ARMC3: variants seen among roughly 807,000 people sequenced by gnomAD.
ARMC3 encodes armadillo repeat containing 3, also known as armadillo repeat-containing protein 3.
In ARMC3, 74 loss-of-function variants were observed where a neutral mutation model predicts 90.3. The ratio of observed to expected loss-of-function variants is 0.82; its 90% CI spans 0.68 to 0.99. The LOEUF is 0.99. ARMC3 is among the 50% of genes least tolerant of loss of function. The pLI is 0.00. For synonymous variants in ARMC3, 334 were observed against 361.8 expected, an observed-to-expected ratio of 0.92 and a Z score of 0.87; for missense variants, 958 against 1,042.8, an observed-to-expected ratio of 0.92 and a Z score of 1.12.
chr10:22,953,090 T>C (rs532376441), intron 3 of ARMC3, among the ~76,000 whole-genome samples: 5 of 152,278 alleles, frequency 3.3e-5, no homozygotes, highest in African/African-American at 4.8e-5. Flanking sequence ...AAGGCCCTTA[T>C]TGGTGAAAAA....
chr10:23,014,327 C>A, intron 16 of ARMC3: 1 of 1,375,752 alleles, frequency 7.3e-7, no homozygotes, highest in Non-Finnish European at 9.4e-7. Flanking sequence ...ATGTGCGTCC[C>A]TTCTCTCTTC....
At chr10:22,969,388 A>G (rs1267051757) in intron 8 of ARMC3, among the ~76,000 whole-genome samples, 2 of 152,224 alleles carry the variant, frequency 1.3e-5, no homozygotes. Flanking sequence ...AGAAATGATG[A>G]CAGCATTGAC....
chr10:22,977,533 C>A (rs1275203877), intron 8 of ARMC3, among the ~76,000 whole-genome samples: 1 of 152,208 alleles, frequency 6.6e-6, no homozygotes, highest in East Asian at 1.9e-4. Flanking sequence ...TCACCATGGT[C>A]TTGCAGGTTT....
rs535085393 is a variant in ARMC3, at chr10:22,985,046, A to AT, written c.1175+3374dup. Among the ~76,000 whole-genome samples the AT allele has an allele frequency of 7.8e-3, 655 of 83,568 alleles. 7 individuals are homozygous for AT. Among genetic ancestry groups the AT allele is most frequent in the South Asian group, 0.012 (30 of 2,442 alleles). The allele number at this position is 83,568 out of a possible 152,430, so 54.8% of individuals were successfully genotyped here. The stretch of plus-strand genomic sequence containing the variant: ...CACCATCCCACCCAGTTAATTTTTC[A>AT]TTTTTTTTTTTTTTTTTTTTTTTTT... On this transcript the variant is annotated intron_variant, in intron 10 of 18. Transcript: ENST00000298032.
Position 22,990,209 on chromosome 10 carries a change from G to A in ARMC3, c.1176-7939G>A, listed in dbSNP as rs113633871. Among the ~76,000 whole-genome samples the A allele has an allele frequency of 2.2e-3, 341 of 152,032 alleles. 1 individual carries two copies. The highest frequency in any genetic ancestry group is 3.7e-3 in the Non-Finnish European group (251 of 68,002). Reference sequence around the variant, plus strand: ...TTGAAGCATACTTAAACCTATATAAGGTTATTTTTACCAACCCTTGACTTT... The same window carrying A: ...TTGAAGCATACTTAAACCTATATAAAGTTATTTTTACCAACCCTTGACTTT... On this transcript the variant is annotated intron_variant, in intron 10 of 18. Transcript: ENST00000298032.
intron 10 of ARMC3, among the ~76,000 whole-genome samples, chr10:22,995,643 CT>C (rs1836915842): frequency 6.6e-6 from 1 of 152,076 alleles, no homozygotes; most frequent in East Asian, 1.9e-4. Context: ...CAAAATATGC[CT>C]TTGTAGAGGA....
rs755263610 is a variant in ARMC3, at chr10:23,037,351, A to G, written c.2491A>G (p.Asn831Asp). The G allele has an allele frequency of 1.2e-6, 2 of 1,613,948 alleles. No homozygotes were observed. The highest frequency in any genetic ancestry group is 1.7e-6 in the Non-Finnish European group (2 of 1,179,904). ...AGCGTGGAATGAAGTCATGCTGCAGAATGACTCTCGGAAGGGAGTGATTGG... is the reference window on the plus strand; with the variant it reads ...AGCGTGGAATGAAGTCATGCTGCAGGATGACTCTCGGAAGGGAGTGATTGG... ...GRAWNEVMLQ[N>D]DSRKGVIGGL... The change falls in exon 19 of 19, where the codon AAT becomes GAT. Residue 831 changes from asparagine to aspartate, a missense_variant. Transcript: ENST00000298032.
At position 22,959,592 on chromosome 10, in the gene ARMC3, A is replaced by G; in HGVS notation, c.537+18A>G. On this transcript the variant is annotated intron_variant, in intron 6 of 18. Coordinates refer to ENST00000298032, the MANE Select transcript of ARMC3 (RefSeq NM_173081.5). ...TGGTGCAGGTAAGATTAATTTCTAA[A>G]AAGCGTTCTGATGAAAGCTCATTTT... is the stretch of plus-strand genomic sequence containing the variant. 1 of 1,567,732 alleles carries G rather than the reference A, an allele frequency of 6.4e-7. No homozygotes were observed. Among genetic ancestry groups the G allele is most frequent in the Non-Finnish European group, 8.6e-7 (1 of 1,162,782 alleles).
chr10:23,019,907 G>C (rs1424788643), intron 16 of ARMC3, among the ~76,000 whole-genome samples: 6 of 152,178 alleles, frequency 3.9e-5, no homozygotes, highest in Non-Finnish European at 2.9e-5. Flanking sequence ...TAACGTTTGA[G>C]ACTGGCCTTT....
At chr10:22,977,349 T>C (rs1486716854) in intron 8 of ARMC3, among the ~76,000 whole-genome samples, 2 of 152,194 alleles carry the variant, frequency 1.3e-5, no homozygotes, top group Non-Finnish European at 2.9e-5. Flanking sequence ...CTGTTCCCAC[T>C]ATGGTAGATT....
At chr10:23,005,463 G>A (rs974142243) in intron 13 of ARMC3, among the ~76,000 whole-genome samples, 2 of 152,150 alleles carry the variant, frequency 1.3e-5, no homozygotes, top group African/African-American at 2.4e-5. Context: ...CTGTGAATAC[G>A]TCAGTGAACA....
At position 23,008,385 on chromosome 10, in the gene ARMC3, G is replaced by T. The variant is rs753126545; in HGVS notation, c.1928+11G>T. The T allele has an allele frequency of 7.4e-7, 1 of 1,357,950 alleles. No homozygotes were observed. 84.1% of individuals were successfully genotyped at this position (1,357,950 alleles called of 1,614,324 possible). On this transcript the variant is annotated intron_variant, in intron 15 of 18. Coordinates refer to ENST00000298032, the MANE Select transcript of ARMC3 (RefSeq NM_173081.5). ...TAAAGAAAAGAACAAGTAAGAAAAT[G>T]ATGTTTTATCTGTATGCAAACAGCT... is the stretch of plus-strand genomic sequence containing the variant.
intron 10 of ARMC3, among the ~76,000 whole-genome samples, chr10:22,995,915 G>A (rs768354376): frequency 5.3e-5 from 8 of 152,096 alleles, no homozygotes; most frequent in Non-Finnish European, 1.0e-4. Flanking sequence ...AGTACCCTGC[G>A]ATTGTATGCT....
Position 23,002,053 on chromosome 10 carries a change from C to G in ARMC3, c.1560C>G (p.Leu520=). 1 of 1,613,268 alleles carries G rather than the reference C, an allele frequency of 6.2e-7. No individual in the cohort carries two copies. The highest frequency in any genetic ancestry group is 8.5e-7 in the Non-Finnish European group (1 of 1,179,602). ...DELTANELCR[L]GALDILEEVN... ...TGACGGCCAATGAATTATGCAGGCT[C>G]GGGTGAGTGGATGCCATCTCAAGTT... The change falls in exon 12 of 19, where the codon CTC becomes CTG. Residue 520 remains leucine, a splice_region_variant and synonymous_variant. Coordinates refer to ENST00000298032, the MANE Select transcript of ARMC3 (RefSeq NM_173081.5).
chr10:22,932,712 T>C (rs1833977911), intron 2 of ARMC3, among the ~76,000 whole-genome samples: 2 of 152,208 alleles, frequency 1.3e-5, no homozygotes, highest in Admixed American at 1.3e-4. Context: ...TTCAGATAAA[T>C]CAGGAATAGA....
At chr10:22,948,544 G>C (rs1588829164) in intron 3 of ARMC3, among the ~76,000 whole-genome samples, 1 of 152,102 alleles carries the variant, frequency 6.6e-6, no homozygotes, top group Non-Finnish European at 1.5e-5. Context: ...ATATGTGAAA[G>C]TAGAGTAGAC....
rs190887269 is a variant in ARMC3 at position 22,986,892 on chromosome 10, A to G, written c.1175+5192A>G. Reference sequence around the variant, plus strand: ...TAAAAATAACTATTTTTATAAAGGCATAGTAAAAGGGGACAAGAACAGCCA... The same window carrying G: ...TAAAAATAACTATTTTTATAAAGGCGTAGTAAAAGGGGACAAGAACAGCCA... On this transcript the variant is annotated intron_variant, in intron 10 of 18. Coordinates refer to ENST00000298032, the MANE Select transcript of ARMC3 (RefSeq NM_173081.5). Among the ~76,000 whole-genome samples the G allele has an allele frequency of 1.2e-3, 184 of 152,340 alleles. 1 individual carries two copies. In the South Asian group the frequency reaches 0.015, roughly 12 times the overall value.
intron 8 of ARMC3, among the ~76,000 whole-genome samples, chr10:22,973,159 C>G (rs532976286): frequency 1.3e-5 from 2 of 151,708 alleles, no homozygotes; most frequent in Non-Finnish European, 2.9e-5. Context: ...ATGAGCCATG[C>G]GTGATGTTGT....
chr10:23,034,519 C>A (rs1314850411), intron 18 of ARMC3, among the ~76,000 whole-genome samples: 1 of 152,120 alleles, frequency 6.6e-6, no homozygotes, highest in Non-Finnish European at 1.5e-5. Flanking sequence ...GAAATTTGAG[C>A]CCACGCCTAC....
Sources: gnomAD v4.1 joint callset for allele counts (sites outside exome capture counted in the v4.1 genomes callset) on GRCh38, gnomAD v4.1.1 for gene constraint, MANE v1.5 for transcripts, NCBI Gene and HGNC (gene_info 2026-07-23, HGNC 2026-07-21) for gene names.